DPP10: variants seen among roughly 807,000 people sequenced by gnomAD.
DPP10 encodes dipeptidyl peptidase like 10.
Under a neutral mutation model 120.9 loss-of-function variants are expected in DPP10, and 33 were observed. The observed-to-expected ratio is 0.27, with a 90% CI of 0.21 to 0.37. The LOEUF (loss-of-function observed/expected upper bound fraction) is 0.37. Among genes scored for constraint, DPP10 ranks in the 10% least tolerant of loss-of-function variants. The pLI is 1.00. For missense variants in DPP10, 816 were observed against 942.8 expected, an observed-to-expected ratio of 0.87 and a Z score of 1.76; for synonymous variants, 337 against 326.1, an observed-to-expected ratio of 1.03 and a Z score of -0.36.
chr2:115,489,043 A>G (rs1444267233), intron 3 of DPP10, among the ~76,000 whole-genome samples: 1 of 152,178 alleles, frequency 6.6e-6, no homozygotes, highest in East Asian at 1.9e-4. Flanking sequence ...TTTAAAATAT[A>G]GTAAGTAAAA....
intron 1 of DPP10, among the ~76,000 whole-genome samples, chr2:114,850,417 T>A (rs1387092955): frequency 6.6e-6 from 1 of 152,080 alleles, no homozygotes; most frequent in Admixed American, 6.6e-5. Flanking sequence ...ATGGAAAAAA[T>A]CCCTTGTATG....
intron 1 of DPP10, among the ~76,000 whole-genome samples, chr2:115,221,668 T>C (rs1574061749): frequency 6.6e-6 from 1 of 151,904 alleles, no homozygotes; most frequent in Non-Finnish European, 1.5e-5. Flanking sequence ...AATACAATCA[T>C]GGACACTAGA....
At chr2:114,817,300 G>A (rs1482606041) in intron 1 of DPP10, among the ~76,000 whole-genome samples, 1 of 87,886 alleles carries the variant, frequency 1.1e-5, no homozygotes, top group African/African-American at 4.8e-5. Flanking sequence ...CCAGTGTCCT[G>A]GCCAAAAAAA....
At chr2:114,804,742 T>C (rs1684573631) in intron 1 of DPP10, among the ~76,000 whole-genome samples, 2 of 152,202 alleles carry the variant, frequency 1.3e-5, no homozygotes, top group African/African-American at 4.8e-5. Flanking sequence ...AGCTTGCTTT[T>C]GATTTTATAG....
chr2:115,348,726 T>C (rs189349055), intron 3 of DPP10, among the ~76,000 whole-genome samples: 2 of 152,154 alleles, frequency 1.3e-5, no homozygotes, highest in Non-Finnish European at 1.5e-5. Flanking sequence ...AAGTTGTAAA[T>C]TTTAAATACA....
At chr2:114,849,391 T>C (rs1046635607) in intron 1 of DPP10, among the ~76,000 whole-genome samples, 1 of 152,166 alleles carries the variant, frequency 6.6e-6, no homozygotes, top group Non-Finnish European at 1.5e-5. Context: ...ACTGTGTCAC[T>C]CAGGCTGGAA....
chr2:115,166,623 ATC>A (rs1474747952), intron 1 of DPP10, among the ~76,000 whole-genome samples: 1 of 130,734 alleles, frequency 7.6e-6, no homozygotes, highest in Non-Finnish European at 1.7e-5. Context: ...TACAACAAAT[ATC>A]TCTTGCTTAG....
At chr2:114,460,169 ATAT>A (rs1678801745) in intron 1 of DPP10, among the ~76,000 whole-genome samples, 9 of 148,516 alleles carry the variant, frequency 6.1e-5, no homozygotes, top group African/African-American at 1.7e-4. Context: ...ATTTGGGATG[ATAT>A]CTATCTATCT....
In DPP10 at chr2:114,919,584, C is replaced by A. The variant is rs144098677; in HGVS notation, c.61-389655C>A. ...AAGTTGCAACTGTATCCAAATTGTT[C>A]CTGTAAAGTTAAACTCAATCTAGTA... On this transcript the variant is annotated intron_variant, in intron 1 of 25. Transcript: ENST00000410059. 6.0e-3 allele frequency among the ~76,000 whole-genome samples: 919 copies of A among 152,156 alleles called. 7 individuals are homozygous for A. Among genetic ancestry groups the A allele is most frequent in the African/African-American group, 0.021 (878 of 41,526 alleles).
chr2:114,536,252 CT>C (rs143444323), intron 1 of DPP10, among the ~76,000 whole-genome samples: 2,916 of 152,186 alleles, frequency 0.019, 35 homozygotes, highest in Middle Eastern at 0.078. Flanking sequence ...AATCTGAGGG[CT>C]GCCAACAGAT....
intron 1 of DPP10, among the ~76,000 whole-genome samples, chr2:115,061,602 T>C (rs1706405087): frequency 6.6e-6 from 1 of 152,210 alleles, no homozygotes; most frequent in African/African-American, 2.4e-5. Context: ...GTGTTTATAA[T>C]TGGGAAACAT....
intron 5 of DPP10, among the ~76,000 whole-genome samples, chr2:115,551,076 G>A (rs549164907): frequency 1.4e-3 from 219 of 151,900 alleles, no homozygotes; most frequent in Admixed American, 3.0e-3. Context: ...ATTTTCCCAT[G>A]GTAACCATTG....
rs1248257902 is a variant in DPP10, at chr2:115,845,350, A to T, written c.*3005A>T. 10 of 152,154 alleles carry T rather than the reference A, an allele frequency of 6.6e-5. No individual in the cohort carries two copies. Among genetic ancestry groups the T allele is most frequent in the African/African-American group, 2.4e-4 (10 of 41,430 alleles). 9.4% of individuals were successfully genotyped at this position (152,154 alleles called of 1,614,324 possible). A position where few individuals can be genotyped will look rare whatever the true frequency, so the allele number is the denominator to read the frequency against. On this transcript the variant is annotated 3_prime_UTR_variant, in exon 26 of 26. Coordinates refer to ENST00000410059, the MANE Select transcript of DPP10 (RefSeq NM_020868.6). ...CTCACTTTCACTTTCTGTTCTGGGG[A>T]TTCTCTGATACTAATTTTGGCTACT...
intron 1 of DPP10, among the ~76,000 whole-genome samples, chr2:114,805,395 G>C (rs1046866133): frequency 2.6e-5 from 4 of 152,160 alleles, no homozygotes; most frequent in African/African-American, 7.2e-5. Flanking sequence ...GTGCTGAAAG[G>C]TCCCAGAGCA....
intron 5 of DPP10, among the ~76,000 whole-genome samples, chr2:115,653,233 G>A (rs2087964459): frequency 1.3e-5 from 2 of 151,838 alleles, no homozygotes; most frequent in Non-Finnish European, 2.9e-5. Flanking sequence ...GGGGATATGA[G>A]GGCAAAGAAT....
At chr2:115,815,581 T>G in intron 20 of DPP10, 94 bp from the exon 21 acceptor site, 2 of 1,062,240 alleles carry the variant, frequency 1.9e-6, no homozygotes, top group Admixed American at 5.2e-5. Flanking sequence ...TTCTAGTCAT[T>G]AGCTATTGTT....
intron 1 of DPP10, among the ~76,000 whole-genome samples, chr2:114,455,778 A>T (rs2104551223): frequency 6.6e-6 from 1 of 150,938 alleles, no homozygotes. Context: ...AGTAAAAATC[A>T]ACAGCTAACC....
intron 1 of DPP10, among the ~76,000 whole-genome samples, chr2:114,749,548 C>CTTTTATTTTATTTTA (rs374862583): frequency 0.13 from 15,772 of 125,504 alleles, 1,487 homozygotes; most frequent in East Asian, 0.23. Context: ...TCTAGCACTG[C>CTTTTATTTTATTTTA]TTTTATTTTA....
chr2:114,563,575 T>C (rs1307662770), intron 1 of DPP10, among the ~76,000 whole-genome samples: 2 of 152,172 alleles, frequency 1.3e-5, no homozygotes, highest in Non-Finnish European at 2.9e-5. Flanking sequence ...AATAAGCACA[T>C]GTAAACAATA....
Sources: allele counts gnomAD v4.1 joint callset (sites outside exome capture counted in the v4.1 genomes callset), GRCh38; gene constraint gnomAD v4.1.1; transcripts MANE v1.5; gene names NCBI Gene and HGNC (gene_info 2026-07-23, HGNC 2026-07-21).